RNF13: variants seen among roughly 807,000 people sequenced by gnomAD.
RNF13 encodes the protein ring finger protein 13.
In RNF13, 19 loss-of-function variants were observed where a neutral mutation model predicts 37.7. The observed-to-expected ratio is 0.50, with a 90% CI of 0.35 to 0.74. RNF13 has a LOEUF of 0.74. RNF13 is among the 30% of genes least tolerant of loss of function. The probability of loss-of-function intolerance (pLI) is 0.01; values close to 1 mark genes in which losing one functional copy is unlikely to be tolerated. For missense variants in RNF13, 375 were observed against 453.0 expected (o/e 0.83, Z 1.56); for synonymous variants, 144 against 157.8 (o/e 0.91, Z 0.65).
intron 1 of RNF13, among the ~76,000 whole-genome samples, chr3:149,822,878 T>G (rs952726903): frequency 6.6e-6 from 1 of 152,134 alleles, no homozygotes; most frequent in Non-Finnish European, 1.5e-5. Flanking sequence ...AAAGATAAAA[T>G]TAGAACAGAA....
chr3:149,932,643 C>T (rs534785268), intron 8 of RNF13, among the ~76,000 whole-genome samples: 1 of 152,340 alleles, frequency 6.6e-6, no homozygotes, highest in South Asian at 2.1e-4. Flanking sequence ...AAAGCTCCAA[C>T]ATAATCTTTG....
intron 3 of RNF13, among the ~76,000 whole-genome samples, chr3:149,857,451 C>T (rs918471363): frequency 5.9e-5 from 9 of 152,010 alleles, no homozygotes; most frequent in African/African-American, 1.9e-4. Flanking sequence ...CTAGGTAAGT[C>T]CTGTGTTTGT....
At chr3:149,853,365 A>ACTAGATATTATC (rs1223751379) in intron 3 of RNF13, among the ~76,000 whole-genome samples, 21 of 152,048 alleles carry the variant, frequency 1.4e-4, no homozygotes, top group African/African-American at 5.1e-4. Context: ...CCTCTTAAAT[A>ACTAGATATTATC]CTAGATATTA....
intron 3 of RNF13, among the ~76,000 whole-genome samples, chr3:149,860,270 A>AAAAAAAAATATATATATAT (rs1302318768): frequency 9.6e-6 from 1 of 104,116 alleles, no homozygotes; most frequent in African/African-American, 4.2e-5. Flanking sequence ...AAAAAAAAAA[A>AAAAAAAAATATATATATAT]ATATATATAT....
At chr3:149,892,490 G>T (rs7648750) in intron 4 of RNF13, among the ~76,000 whole-genome samples, 3,247 of 152,260 alleles carry the variant, frequency 0.021, 104 homozygotes, top group African/African-American at 0.072. Flanking sequence ...CTGGAGACCT[G>T]TTGGGGAATT....
intron 8 of RNF13, among the ~76,000 whole-genome samples, chr3:149,959,205 T>A (rs1722148946): frequency 1.3e-5 from 2 of 152,216 alleles, no homozygotes; most frequent in Admixed American, 1.3e-4. Flanking sequence ...TCTAAGCCAC[T>A]ATTAATTGAA....
chr3:149,884,494 C>G (rs1713791338), intron 4 of RNF13, among the ~76,000 whole-genome samples: 2 of 151,414 alleles, frequency 1.3e-5, no homozygotes, highest in South Asian at 2.1e-4. Flanking sequence ...TTTTTTTTTC[C>G]CTAGTGAGCT....
intron 1 of RNF13, among the ~76,000 whole-genome samples, chr3:149,816,679 C>T (rs1719492206): frequency 6.6e-6 from 1 of 151,956 alleles, no homozygotes; most frequent in South Asian, 2.1e-4. Flanking sequence ...AAGGACCAGA[C>T]TGGTAAAGAT....
In RNF13 at chr3:149,823,066, T is replaced by C. The variant is rs532728973; in HGVS notation, c.-17+9713T>C. Among the ~76,000 whole-genome samples, 78 of 152,258 alleles carry C rather than the reference T, an allele frequency of 5.1e-4. 1 individual carries two copies. Among genetic ancestry groups the C allele is most frequent in the Non-Finnish European group, 1.0e-3 (70 of 67,948 alleles). ...TGGATGATTTGGGAAGGGCAGTATT[T>C]CATGACACAGACTTTTAATTGAATC... On this transcript the variant is annotated intron_variant, in intron 1 of 9. Coordinates refer to ENST00000392894, the MANE Select transcript of RNF13 (RefSeq NM_183381.3).
Position 149,895,461 on chromosome 3 carries a change from T to G in RNF13, c.322-12T>G. On this transcript the variant is annotated splice_polypyrimidine_tract_variant and intron_variant, in intron 4 of 9. Coordinates refer to ENST00000392894, the MANE Select transcript of RNF13 (RefSeq NM_183381.3). ...TATAACATAATTTTTTTTTTTTTTTTTTGCTTTGCAGGTTTTAAATGCACA... is the reference window on the plus strand; with the variant it reads ...TATAACATAATTTTTTTTTTTTTTTGTTGCTTTGCAGGTTTTAAATGCACA... 1.4e-6 allele frequency: 2 copies of G among 1,474,266 alleles called. No individual in the cohort carries two copies. Among genetic ancestry groups the G allele is most frequent in the Admixed American group, 2.1e-5 (1 of 47,448 alleles). 91.3% of individuals were successfully genotyped at this position (1,474,266 alleles called of 1,614,324 possible).
intron 3 of RNF13, among the ~76,000 whole-genome samples, chr3:149,854,675 T>TC (rs1161090707): frequency 2.0e-5 from 3 of 152,144 alleles, no homozygotes; most frequent in African/African-American, 7.2e-5. Context: ...CAATGGACCC[T>TC]CACACCACAT....
At chr3:149,831,209 A>G (rs994985107) in intron 1 of RNF13, among the ~76,000 whole-genome samples, 5 of 152,222 alleles carry the variant, frequency 3.3e-5, no homozygotes, top group African/African-American at 1.2e-4. Flanking sequence ...TGGAGCTGTG[A>G]GAAGCAGGCC....
At chr3:149,950,530 A>G (rs1040650587) in intron 8 of RNF13, among the ~76,000 whole-genome samples, 11 of 152,184 alleles carry the variant, frequency 7.2e-5, no homozygotes, top group African/African-American at 2.7e-4. Flanking sequence ...GCTGGAATGC[A>G]GTGGCATAAT....
At position 149,870,302 on chromosome 3, in the gene RNF13, G is replaced by C. The variant is rs117037063; in HGVS notation, c.196-1727G>C. On this transcript the variant is annotated intron_variant, in intron 3 of 9. Coordinates refer to ENST00000392894, the MANE Select transcript of RNF13 (RefSeq NM_183381.3). ...CTTGCAGTTGGTGCTCGGCAAAATG[G>C]GGGGAGGGGCATAGTAGATGTGGAA... Among the ~76,000 whole-genome samples the C allele has an allele frequency of 7.2e-4, 109 of 151,630 alleles. 2 individuals are homozygous for C. The East Asian group carries it at 0.016, about 22-fold the overall frequency.
At chr3:149,914,081 C>A (rs1323281852) in intron 7 of RNF13, among the ~76,000 whole-genome samples, 1 of 152,106 alleles carries the variant, frequency 6.6e-6, no homozygotes, top group Non-Finnish European at 1.5e-5. Flanking sequence ...AGGTTATAAT[C>A]CAGTAATATT....
chr3:149,826,339 A>T (rs1475528060), intron 1 of RNF13, among the ~76,000 whole-genome samples: 5 of 152,192 alleles, frequency 3.3e-5, no homozygotes, highest in African/African-American at 1.2e-4. Context: ...TGTAGGATAG[A>T]GTCTTTTGAG....
At chr3:149,933,607 G>A (rs1267437911) in intron 8 of RNF13, among the ~76,000 whole-genome samples, 5 of 135,594 alleles carry the variant, frequency 3.7e-5, no homozygotes, top group African/African-American at 1.4e-4. Context: ...TTTTTGAGAT[G>A]GAGTCTAGCT....
At chr3:149,878,644 G>C (rs920843363) in intron 4 of RNF13, among the ~76,000 whole-genome samples, 5 of 152,134 alleles carry the variant, frequency 3.3e-5, no homozygotes, top group African/African-American at 1.2e-4. Context: ...CATCTGCATT[G>C]TTTTGATCAC....
intron 5 of RNF13, among the ~76,000 whole-genome samples, chr3:149,896,768 C>T (rs753406673): frequency 2.6e-5 from 4 of 152,040 alleles, no homozygotes; most frequent in African/African-American, 7.2e-5. Context: ...CGTGGGCCAC[C>T]GTGCCTGGGC....
Sources: allele counts gnomAD v4.1 joint callset (sites outside exome capture counted in the v4.1 genomes callset), GRCh38; gene constraint gnomAD v4.1.1; transcripts MANE v1.5; gene names NCBI Gene and HGNC (gene_info 2026-07-23, HGNC 2026-07-21).